The following PSME4 variants were observed in gnomAD, a reference collection of about 807,000 sequenced individuals.
The protein encoded by PSME4 is proteasome activator subunit 4.
PSME4 carries 89 observed loss-of-function variants against 253.9 expected under a neutral mutation model. The observed-to-expected ratio is 0.35, with a 90% confidence interval of 0.30 to 0.42. The LOEUF (loss-of-function observed/expected upper bound fraction) is 0.42, where lower values mean the gene tolerates loss of function less well. PSME4 is among the 10% of genes least tolerant of loss of function. The probability of loss-of-function intolerance (pLI) is 1.00; values close to 1 mark genes in which losing one functional copy is unlikely to be tolerated. For missense variants in PSME4, 2,014 were observed against 2,195.2 expected, an observed-to-expected ratio of 0.92 and a Z score of 1.65; for synonymous variants, 851 against 759.2, an observed-to-expected ratio of 1.12 and a Z score of -1.99.
At chr2:53,967,852 A>G (rs1205319107) in intron 1 of PSME4, among the ~76,000 whole-genome samples, 2 of 152,018 alleles carry the variant, frequency 1.3e-5, no homozygotes, top group East Asian at 3.8e-4. Context: ...GATCTATGCA[A>G]CTGTTTCCAG....
At chr2:53,941,320 C>T (rs1669443625) in intron 3 of PSME4, among the ~76,000 whole-genome samples, 1 of 148,952 alleles carries the variant, frequency 6.7e-6, no homozygotes, top group African/African-American at 2.5e-5. Context: ...AACTACATGG[C>T]CAAAAGGCCA....
rs542264210 is a variant in PSME4 at position 53,930,679 on chromosome 2, C to G, written c.1316+1156G>C. The stretch of plus-strand genomic sequence containing the variant: ...GCTCAAAATTATAGATAATGGAGGC[C>G]CATTTTGGTTAAGATCTTGAACACG... On this transcript the variant is annotated intron_variant, in intron 10 of 46. Coordinates refer to ENST00000404125, the MANE Select transcript of PSME4 (RefSeq NM_014614.3). Among the ~76,000 whole-genome samples, 9 of 152,158 alleles carry G rather than the reference C, an allele frequency of 5.9e-5. No individual in the cohort carries two copies. The South Asian group carries it at 1.9e-3, about 32-fold the overall frequency.
At chr2:53,929,769 G>GTAAT (rs1332166131) in intron 10 of PSME4, among the ~76,000 whole-genome samples, 1 of 152,064 alleles carries the variant, frequency 6.6e-6, no homozygotes, top group African/African-American at 2.4e-5. Flanking sequence ...TGTAATCCCA[G>GTAAT]CACTTTGGGA....
chr2:53,874,289 T>C (rs1055457341), intron 43 of PSME4, 50 bp downstream of exon 43: 5 of 1,542,686 alleles, frequency 3.2e-6, no homozygotes, highest in African/African-American at 1.4e-5. Flanking sequence ...GGAACCATGA[T>C]GGTTTCTTTA....
At chr2:53,890,402 G>C (rs1452223487) in intron 36 of PSME4, among the ~76,000 whole-genome samples, 194 bp from the exon 37 acceptor site, 1 of 152,166 alleles carries the variant, frequency 6.6e-6, no homozygotes, top group Non-Finnish European at 1.5e-5. Context: ...AGGCTTCTGA[G>C]CTCAAGTGAT....
intron 4 of PSME4, 107 bp from the exon 5 acceptor site, chr2:53,937,647 A>G: frequency 9.9e-7 from 1 of 1,011,242 alleles, no homozygotes; most frequent in Non-Finnish European, 1.5e-6. Context: ...AATATATGTC[A>G]TAGCATGTAA....
intron 1 of PSME4, among the ~76,000 whole-genome samples, chr2:53,957,122 C>T (rs1670271385): frequency 6.6e-6 from 1 of 152,160 alleles, no homozygotes; most frequent in Non-Finnish European, 1.5e-5. Context: ...CTCCTACAGG[C>T]ACTCAGGATA....
At chr2:53,901,238 T>C in intron 28 of PSME4, 112 bp downstream of exon 28, 1 of 964,564 alleles carries the variant, frequency 1.0e-6, no homozygotes. Flanking sequence ...AAAAAAACAC[T>C]GGACTCAAAT....
intron 36 of PSME4, 85 bp from the exon 37 acceptor site, chr2:53,890,293 A>ATTT: frequency 2.2e-6 from 2 of 896,934 alleles, no homozygotes; most frequent in Non-Finnish European, 3.7e-6. Flanking sequence ...GGAAATGTAC[A>ATTT]CACATACAGG....
intron 20 of PSME4, among the ~76,000 whole-genome samples, chr2:53,917,655 T>C (rs1292275784): frequency 1.3e-5 from 2 of 152,222 alleles, no homozygotes; most frequent in East Asian, 1.9e-4. Flanking sequence ...ACAATTCTAA[T>C]TGTTGACACC....
intron 12 of PSME4, among the ~76,000 whole-genome samples, 182 bp downstream of exon 12, chr2:53,927,212 T>G (rs987856307): frequency 6.6e-6 from 1 of 152,234 alleles, no homozygotes; most frequent in African/African-American, 2.4e-5. Context: ...TTGAGCCACC[T>G]CCTGTGGTGG....
chr2:53,894,332 T>A (rs1200794036), intron 34 of PSME4, among the ~76,000 whole-genome samples: 1 of 152,154 alleles, frequency 6.6e-6, no homozygotes, highest in African/African-American at 2.4e-5. Flanking sequence ...AGTGCAGTGG[T>A]GCGATCATGG....
chr2:53,909,270 G>A (rs1465174703), intron 21 of PSME4, among the ~76,000 whole-genome samples: 1 of 152,096 alleles, frequency 6.6e-6, no homozygotes, highest in African/African-American at 2.4e-5. Flanking sequence ...ATTAATGTAT[G>A]TAACTTTGGT....
At chr2:53,874,067 T>A (rs142139847) in intron 43 of PSME4, among the ~76,000 whole-genome samples, 1 of 152,276 alleles carries the variant, frequency 6.6e-6, no homozygotes, top group East Asian at 1.9e-4. Context: ...GCTTAAGCGA[T>A]CCTCCGACCT....
chr2:53,930,743 G>C (rs755371531), intron 10 of PSME4, among the ~76,000 whole-genome samples: 1 of 152,126 alleles, frequency 6.6e-6, no homozygotes, highest in Admixed American at 6.5e-5. Flanking sequence ...CACTTATTCT[G>C]TCTCAACAAT....
rs781534113 is a variant in PSME4 at position 53,927,489 on chromosome 2, GA to G, written c.1504-7del. The G allele has an allele frequency of 6.4e-7, 1 of 1,553,124 alleles. No individual in the cohort carries two copies. Among genetic ancestry groups the G allele is most frequent in the South Asian group, 1.1e-5 (1 of 89,700 alleles). Reference sequence around the variant, plus strand: ...GCTATGAACTGGAATGTGATCTGTGGAAACATACAAAGGATTTTCAACATTA... The same window carrying G: ...GCTATGAACTGGAATGTGATCTGTGGAACATACAAAGGATTTTCAACATTA... On this transcript the variant is annotated splice_region_variant and splice_polypyrimidine_tract_variant and intron_variant, in intron 11 of 46. Transcript: ENST00000404125.
intron 29 of PSME4, among the ~76,000 whole-genome samples, chr2:53,898,563 G>A (rs898759673): frequency 6.6e-6 from 1 of 151,902 alleles, no homozygotes; most frequent in African/African-American, 2.4e-5. Flanking sequence ...GCTAGGAAGA[G>A]TGAACTCAAC....
At chr2:53,936,733 G>T in intron 6 of PSME4, 31 bp downstream of exon 6, 2 of 1,456,514 alleles carry the variant, frequency 1.4e-6, no homozygotes, top group Non-Finnish European at 1.8e-6. Context: ...AAAAACTATA[G>T]GGGGGAAGAA....
chr2:53,884,804 C>G (rs183032574), intron 41 of PSME4, among the ~76,000 whole-genome samples: 2 of 152,066 alleles, frequency 1.3e-5, no homozygotes, highest in Admixed American at 1.3e-4. Context: ...ACTTTTATAC[C>G]CCAAAAGATC....
Sources: allele counts gnomAD v4.1 joint callset (sites outside exome capture counted in the v4.1 genomes callset), GRCh38; gene constraint gnomAD v4.1.1; transcripts MANE v1.5; gene names NCBI Gene and HGNC (gene_info 2026-07-23, HGNC 2026-07-21).